Variants in TNR observed in about 807,000 individuals in gnomAD.
The protein encoded by TNR is tenascin-R.
In TNR, 45 loss-of-function variants were observed where a neutral mutation model predicts 150.4. The ratio of observed to expected loss-of-function variants is 0.30; its 90% CI spans 0.24 to 0.38. The LOEUF (loss-of-function observed/expected upper bound fraction) is 0.38, where lower values mean the gene tolerates loss of function less well. Among genes scored for constraint, TNR ranks in the 10% least tolerant of loss-of-function variants. The pLI is 1.00. For missense variants in TNR, 1,544 were observed against 1,759.1 expected (o/e 0.88, Z 2.19); for synonymous variants, 687 against 678.4 (o/e 1.01, Z -0.20).
At chr1:175,547,058 T>A (rs1660718859) in intron 1 of TNR, among the ~76,000 whole-genome samples, 1 of 152,172 alleles carries the variant, frequency 6.6e-6, no homozygotes, top group Non-Finnish European at 1.5e-5. Context: ...GACACTCCAT[T>A]TAGGAGGTAC....
intron 4 of TNR, among the ~76,000 whole-genome samples, chr1:175,398,797 A>G (rs535145702): frequency 7.9e-5 from 12 of 152,238 alleles, no homozygotes; most frequent in Non-Finnish European, 1.6e-4. Context: ...ACATTTATAT[A>G]GCATTTCACA....
At chr1:175,350,769 T>C (rs572252414) in intron 18 of TNR, among the ~76,000 whole-genome samples, 1 of 152,330 alleles carries the variant, frequency 6.6e-6, no homozygotes, top group South Asian at 2.1e-4. Flanking sequence ...CTTTTTGACA[T>C]CTTAACTCTT....
At chr1:175,472,657 A>C (rs1657354927) in intron 2 of TNR, among the ~76,000 whole-genome samples, 1 of 152,212 alleles carries the variant, frequency 6.6e-6, no homozygotes, top group Non-Finnish European at 1.5e-5. Flanking sequence ...TTGTTGACCA[A>C]ATCGTGGTTA....
chr1:175,659,473 C>A (rs1053889890), intron 1 of TNR, among the ~76,000 whole-genome samples: 1 of 152,186 alleles, frequency 6.6e-6, no homozygotes, highest in Non-Finnish European at 1.5e-5. Context: ...GCATGTTGAC[C>A]TATGGGCTCC....
chr1:175,689,273 T>C (rs1302261402), intron 1 of TNR, among the ~76,000 whole-genome samples: 1 of 152,172 alleles, frequency 6.6e-6, no homozygotes, highest in African/African-American at 2.4e-5. Context: ...GCACACTGCC[T>C]CTTCATCACC....
intron 1 of TNR, among the ~76,000 whole-genome samples, chr1:175,566,371 G>A (rs1484010331): frequency 6.6e-6 from 1 of 152,250 alleles, no homozygotes; most frequent in South Asian, 2.1e-4. Context: ...AGAGCGGGTG[G>A]TGAAGGCAGA....
At chr1:175,369,012 T>C (rs1651968621) in intron 9 of TNR, among the ~76,000 whole-genome samples, 1 of 152,072 alleles carries the variant, frequency 6.6e-6, no homozygotes, top group African/African-American at 2.4e-5. Context: ...CAAAATCAAG[T>C]GATCACCCTG....
chr1:175,569,346 A>G (rs748125352), intron 1 of TNR, among the ~76,000 whole-genome samples: 3 of 152,176 alleles, frequency 2.0e-5, no homozygotes, highest in African/African-American at 7.2e-5. Context: ...CCCATGCATG[A>G]ATGTCCTCCC....
Position 175,704,084 on chromosome 1 carries a change from G to T in TNR, c.-165+39142C>A, listed in dbSNP as rs544938918. Among the ~76,000 whole-genome samples, 8 of 152,318 alleles carry T rather than the reference G, an allele frequency of 5.3e-5. No individual in the cohort carries two copies. In the East Asian group the frequency reaches 1.2e-3, roughly 22 times the overall value. ...AGAGAGTTAATGTTTAATGGATACA[G>T]CATTTCAGTTTGGGATGATGGAAAA... On this transcript the variant is annotated intron_variant, in intron 1 of 22. Transcript: ENST00000367674.
chr1:175,657,853 G>GTATATA (rs59315046), intron 1 of TNR, among the ~76,000 whole-genome samples: 1,775 of 70,378 alleles, frequency 0.025, 83 homozygotes, highest in African/African-American at 0.056. Context: ...CATGGAACAT[G>GTATATA]TATATATATA....
At chr1:175,337,981 G>A (rs1022241231) in intron 18 of TNR, among the ~76,000 whole-genome samples, 7 of 152,180 alleles carry the variant, frequency 4.6e-5, no homozygotes, top group Non-Finnish European at 8.8e-5. Flanking sequence ...TCAGTTGGGC[G>A]TCAGTTTTCT....
chr1:175,680,403 G>A (rs1438172826), intron 1 of TNR, among the ~76,000 whole-genome samples: 1 of 152,156 alleles, frequency 6.6e-6, no homozygotes, highest in African/African-American at 2.4e-5. Flanking sequence ...GGAGACAAAA[G>A]AGAAGCATGG....
At chr1:175,634,372 G>C (rs764636070) in intron 1 of TNR, among the ~76,000 whole-genome samples, 10 of 152,186 alleles carry the variant, frequency 6.6e-5, no homozygotes, top group Non-Finnish European at 1.5e-4. Flanking sequence ...CTTGCCCTCT[G>C]TCTCACCTGT....
intron 1 of TNR, among the ~76,000 whole-genome samples, chr1:175,558,393 T>C (rs1156399380): frequency 6.6e-6 from 1 of 152,240 alleles, no homozygotes; most frequent in Non-Finnish European, 1.5e-5. Context: ...ATATGCTTCA[T>C]TGAAATTATT....
intron 1 of TNR, among the ~76,000 whole-genome samples, chr1:175,539,711 T>C (rs929359105): frequency 1.3e-5 from 2 of 152,234 alleles, no homozygotes; most frequent in African/African-American, 4.8e-5. Flanking sequence ...GGCCAGGCTG[T>C]TGCTCATGCA....
intron 2 of TNR, among the ~76,000 whole-genome samples, chr1:175,503,482 C>T: frequency 6.6e-6 from 1 of 152,112 alleles, no homozygotes; most frequent in East Asian, 1.9e-4. Flanking sequence ...GGTATTATGT[C>T]TTCGTCTATG....
At chr1:175,642,517 A>G (rs887822414) in intron 1 of TNR, among the ~76,000 whole-genome samples, 2 of 152,204 alleles carry the variant, frequency 1.3e-5, no homozygotes, top group African/African-American at 4.8e-5. Flanking sequence ...GTTACAGTCT[A>G]TGTCAACCTT....
intron 7 of TNR, among the ~76,000 whole-genome samples, chr1:175,389,300 C>T (rs1653068125): frequency 6.6e-6 from 1 of 152,234 alleles, no homozygotes; most frequent in African/African-American, 2.4e-5. Flanking sequence ...ATCAGAATTC[C>T]TCTTCCTCAG....
At chr1:175,399,954 G>A (rs1045216333) in intron 4 of TNR, among the ~76,000 whole-genome samples, 4 of 152,244 alleles carry the variant, frequency 2.6e-5, no homozygotes, top group Non-Finnish European at 4.4e-5. Context: ...AGTCCTGACA[G>A]AGCAGAGGCT....
Sources: allele counts gnomAD v4.1 joint callset (sites outside exome capture counted in the v4.1 genomes callset), GRCh38; gene constraint gnomAD v4.1.1; transcripts MANE v1.5; gene names NCBI Gene and HGNC (gene_info 2026-07-23, HGNC 2026-07-21).